The following SPINT1 variants were observed in gnomAD, a reference collection of about 807,000 sequenced individuals.
The protein encoded by SPINT1 is kunitz-type protease inhibitor 1.
Under a neutral mutation model 53.7 loss-of-function variants are expected in SPINT1, and 38 were observed. The observed-to-expected ratio is 0.71, with a 90% confidence interval of 0.55 to 0.93. SPINT1 has a LOEUF of 0.93. Ranked by LOEUF, SPINT1 falls within the 40% of genes least tolerant of loss-of-function variation. The probability of loss-of-function intolerance (pLI) is 0.00; values close to 1 mark genes in which losing one functional copy is unlikely to be tolerated. For synonymous variants in SPINT1, 283 were observed against 280.6 expected (o/e 1.01, Z -0.08); for missense variants, 645 against 692.9 (o/e 0.93, Z 0.78).
chr15:40,846,830 G>C (rs1891313162), intron 2 of SPINT1, among the ~76,000 whole-genome samples: 1 of 152,210 alleles, frequency 6.6e-6, no homozygotes, highest in African/African-American at 2.4e-5. Flanking sequence ...GCGAGATGGG[G>C]ATTCCTGTGG....
At position 40,856,735 on chromosome 15, in the gene SPINT1, C is replaced by T. The variant is rs747537677; in HGVS notation, c.1337-35C>T. The T allele has an allele frequency of 3.1e-6, 5 of 1,612,430 alleles. No homozygotes were observed. In the African/African-American group the frequency reaches 4.0e-5, roughly 13 times the overall value. The stretch of plus-strand genomic sequence containing the variant: ...GGTGGGTGTCAGAACCAGGCAGGCC[C>T]TGGGAGCCCCTTATTCTACCCCTTC... On this transcript the variant is annotated intron_variant, in intron 10 of 10. Coordinates refer to ENST00000562057, the MANE Select transcript of SPINT1 (RefSeq NM_003710.4).
In SPINT1 at chr15:40,855,886, C is replaced by T. The variant is rs1233387791; in HGVS notation, c.1118-6C>T. 6.2e-7 allele frequency: 1 copy of T among 1,613,270 alleles called. No homozygotes were observed. Among genetic ancestry groups the T allele is most frequent in the South Asian group, 1.1e-5 (1 of 91,002 alleles). On this transcript the variant is annotated splice_polypyrimidine_tract_variant and splice_region_variant and intron_variant, in intron 8 of 10. Transcript: ENST00000562057. ...CGCTCACCATAGCCTACCCCATACCCCCCAGGGCACTGCGTGGACCTGCCA... is the reference window on the plus strand; with the variant it reads ...CGCTCACCATAGCCTACCCCATACCTCCCAGGGCACTGCGTGGACCTGCCA...
chr15:40,853,476 C>T lies in SPINT1; in HGVS notation c.604-13C>T. 1.2e-6 allele frequency: 2 copies of T among 1,614,124 alleles called. No homozygotes were observed. Among genetic ancestry groups the T allele is most frequent in the Non-Finnish European group, 8.5e-7 (1 of 1,180,000 alleles). ...AGGGGGTGCCCAAGCCTGATAGCCA[C>T]TCCTGTGTGCAGAGGAAAGACCCAA... On this transcript the variant is annotated splice_polypyrimidine_tract_variant and intron_variant, in intron 3 of 10. Transcript: ENST00000562057.
intron 10 of SPINT1, 84 bp from the exon 11 acceptor site, chr15:40,856,686 A>T: frequency 6.3e-7 from 1 of 1,584,586 alleles, no homozygotes; most frequent in Non-Finnish European, 8.6e-7. Context: ...CATCCATTTG[A>T]CTTGGTCTCT....
At chr15:40,849,171 A>G (rs566195564) in intron 2 of SPINT1, among the ~76,000 whole-genome samples, 66 of 151,920 alleles carry the variant, frequency 4.3e-4, no homozygotes, top group African/African-American at 1.1e-3. Flanking sequence ...GTGTGAACCC[A>G]GGAGGCGGAG....
Position 40,856,020 on chromosome 15 carries a change from G to C in SPINT1, c.1246G>C (p.Glu416Gln). Residue 416 changes from glutamate (E) to glutamine (Q), a missense_variant, in exon 9 of 11, where the codon GAG becomes CAG. Transcript: ENST00000562057. The part of the protein sequence containing the change: ...GGCYGNKNNF[E>Q]EEQQCLESCR... ...TTGTTACGGCAACAAGAACAACTTTGAGGAAGAGCAGCAGTGCCTCGAGTC... is the reference window on the plus strand; with the variant it reads ...TTGTTACGGCAACAAGAACAACTTTCAGGAAGAGCAGCAGTGCCTCGAGTC... 1 of 1,614,200 alleles carries C rather than the reference G, an allele frequency of 6.2e-7. No individual in the cohort carries two copies. Among genetic ancestry groups the C allele is most frequent in the Non-Finnish European group, 8.5e-7 (1 of 1,180,032 alleles).
At chr15:40,847,173 G>A (rs1210314460) in intron 2 of SPINT1, among the ~76,000 whole-genome samples, 1 of 152,236 alleles carries the variant, frequency 6.6e-6, no homozygotes, top group Non-Finnish European at 1.5e-5. Flanking sequence ...AGGGAGGCAG[G>A]TAGGGCTTGG....
chr15:40,850,034 A>C (rs923643172), intron 2 of SPINT1, among the ~76,000 whole-genome samples: 1 of 152,162 alleles, frequency 6.6e-6, no homozygotes, highest in Non-Finnish European at 1.5e-5. Context: ...TGCTTTTCAC[A>C]TGTCATTACA....
intron 2 of SPINT1, among the ~76,000 whole-genome samples, chr15:40,847,914 C>G (rs951873502): frequency 6.6e-6 from 1 of 151,944 alleles, no homozygotes; most frequent in Non-Finnish European, 1.5e-5. Flanking sequence ...GGAGGGAGGA[C>G]TGCGCTCCTC....
intron 2 of SPINT1, among the ~76,000 whole-genome samples, chr15:40,846,124 C>T (rs1891288448): frequency 6.6e-6 from 1 of 152,148 alleles, no homozygotes; most frequent in Non-Finnish European, 1.5e-5. Context: ...TGCGCATGAG[C>T]CAGACAGGGC....
At chr15:40,849,840 A>T (rs1221601729) in intron 2 of SPINT1, among the ~76,000 whole-genome samples, 1 of 108,266 alleles carries the variant, frequency 9.2e-6, no homozygotes, top group East Asian at 2.9e-4. Context: ...TACATCATGG[A>T]CTCCAGGGGT....
At chr15:40,856,671 C>A in intron 10 of SPINT1, 99 bp from the exon 11 acceptor site, 2 of 1,566,938 alleles carry the variant, frequency 1.3e-6, no homozygotes, top group Non-Finnish European at 1.7e-6. Flanking sequence ...TCCTTCCATA[C>A]CTGGCATCCA....
intron 5 of SPINT1, 58 bp from the exon 6 acceptor site, chr15:40,854,002 A>G: frequency 7.8e-7 from 1 of 1,288,210 alleles, no homozygotes; most frequent in South Asian, 1.2e-5. Flanking sequence ...CACCCCAATT[A>G]TCTCATCCCC....
Position 40,844,767 on chromosome 15 carries a change from C to T in SPINT1, c.213C>T (p.Asn71=). Residue 71 remains asparagine, a synonymous_variant, in exon 2 of 11, where the codon AAC becomes AAT. Coordinates refer to ENST00000562057, the MANE Select transcript of SPINT1 (RefSeq NM_003710.4). This position sits in a 1 kb window ranked among gnomAD's most constrained non-coding sequence, Gnocchi z 5.8. The part of the protein sequence containing the change: ...FVLDTNASVS[N]GATFLESPTV... ...TGGACACCAACGCCTCGGTCAGCAA[C>T]GGAGCTACCTTCCTGGAGTCCCCCA... 4 of 1,611,896 alleles carry T rather than the reference C, an allele frequency of 2.5e-6. No individual in the cohort carries two copies. The highest frequency in any genetic ancestry group is 3.4e-6 in the Non-Finnish European group (4 of 1,178,792).
chr15:40,856,640 G>C, intron 10 of SPINT1, 130 bp from the exon 11 acceptor site: 1 of 1,502,034 alleles, frequency 6.7e-7, no homozygotes, highest in African/African-American at 1.4e-5. Context: ...ATATGTGGGA[G>C]GTCTGAGTCG....
At position 40,853,619 on chromosome 15, in the gene SPINT1, A is replaced by G. The variant is rs369178359; in HGVS notation, c.734A>G (p.Gln245Arg). Residue 245 changes from glutamine to arginine, a missense_variant, in exon 4 of 11, where the codon CAG becomes CGG. Coordinates refer to ENST00000562057, the MANE Select transcript of SPINT1 (RefSeq NM_003710.4). The part of the protein sequence containing the change: ...NVTVTVLSTK[Q>R]TEDYCLASNK... The stretch of plus-strand genomic sequence containing the variant: ...ACAGTCACTGTGCTGTCCACCAAGC[A>G]GACAGAAGGTGAGGGAGGGGTGAGG... 10 of 1,613,876 alleles carry G rather than the reference A, an allele frequency of 6.2e-6. No homozygotes were observed. Among genetic ancestry groups the G allele is most frequent in the East Asian group, 4.5e-5 (2 of 44,866 alleles).
At position 40,855,000 on chromosome 15, in the gene SPINT1, A is replaced by G. The variant is rs569343243; in HGVS notation, c.1117+311A>G. On this transcript the variant is annotated intron_variant, in intron 8 of 10. Transcript: ENST00000562057. ...ACTTTTTAAATGTAATATATTAAAA[A>G]GGAACTTTCACATCACTACCATAAA... Among the ~76,000 whole-genome samples, 3 of 152,370 alleles carry G rather than the reference A, an allele frequency of 2.0e-5. No homozygotes were observed. In the South Asian group the frequency reaches 6.2e-4, roughly 32 times the overall value.
At position 40,853,218 on chromosome 15, in the gene SPINT1, C is replaced by T; in HGVS notation, c.570C>T (p.Arg190=). ...AGGATGTGGAAAACACAGATTGGCG[C>T]CTACTGCGGGGTGACACGGATGTCA... The part of the protein sequence containing the change: ...VLKDVENTDW[R]LLRGDTDVRV... The change falls in exon 3 of 11, where the codon CGC becomes CGT. Residue 190 remains arginine (R), a synonymous_variant. Coordinates refer to ENST00000562057, the MANE Select transcript of SPINT1 (RefSeq NM_003710.4). 6.2e-7 allele frequency: 1 copy of T among 1,614,218 alleles called. No homozygotes were observed. Among genetic ancestry groups the T allele is most frequent in the Non-Finnish European group, 8.5e-7 (1 of 1,180,028 alleles).
At chr15:40,851,072 A>C (rs1006689334) in intron 2 of SPINT1, among the ~76,000 whole-genome samples, 4 of 152,050 alleles carry the variant, frequency 2.6e-5, no homozygotes, top group African/African-American at 7.2e-5. Flanking sequence ...AGGACGCTTT[A>C]AGATCAACTC....
Sources: gnomAD v4.1 joint callset for allele counts (sites outside exome capture counted in the v4.1 genomes callset) on GRCh38, gnomAD v4.1.1 for gene constraint, Gnocchi (gnomAD v3.1) non-coding constraint, MANE v1.5 for transcripts, NCBI Gene and HGNC (gene_info 2026-07-23, HGNC 2026-07-21) for gene names.